BMPER: variants seen among roughly 807,000 people sequenced by gnomAD.
BMPER encodes the protein BMP binding endothelial regulator.
A neutral mutation model predicts 87.3 loss-of-function variants in BMPER; 45 were observed. The observed-to-expected ratio is 0.52, with a 90% CI of 0.41 to 0.66. The LOEUF (loss-of-function observed/expected upper bound fraction) is 0.66. Ranked by LOEUF, BMPER falls within the 30% of genes least tolerant of loss-of-function variation. The pLI, the probability that BMPER is intolerant of heterozygous loss-of-function variation, is 0.00. For missense variants in BMPER, 784 were observed against 867.5 expected (o/e 0.90, Z 1.21); for synonymous variants, 326 against 316.2 (o/e 1.03, Z -0.33).
chr7:34,090,421 A>G (rs988596940), intron 13 of BMPER, among the ~76,000 whole-genome samples: 3 of 151,928 alleles, frequency 2.0e-5, no homozygotes, highest in Non-Finnish European at 4.4e-5. Flanking sequence ...TTCTCCCTTC[A>G]TGTCCCAGAT....
chr7:33,992,058 A>AGGTGT (rs1168776998), intron 6 of BMPER, among the ~76,000 whole-genome samples: 1 of 151,894 alleles, frequency 6.6e-6, no homozygotes, highest in East Asian at 1.9e-4. Context: ...ATTTTGGAAT[A>AGGTGT]GGTGTGGTGT....
At chr7:34,103,939 A>G (rs183232352) in intron 13 of BMPER, among the ~76,000 whole-genome samples, 2 of 152,316 alleles carry the variant, frequency 1.3e-5, no homozygotes, top group African/African-American at 2.4e-5. Context: ...TATTGGATCA[A>G]GTTCACACTA....
chr7:33,905,522 G>T (rs554411079), upstream of BMPER: 1 of 1,334,328 alleles, frequency 7.5e-7, no homozygotes, highest in Non-Finnish European at 9.8e-7. Context: ...CCGACACGCC[G>T]GCTGAGAGCC....
At chr7:34,119,014 T>TCTCACACACACACACACACACACACACA (rs66493349) in intron 13 of BMPER, among the ~76,000 whole-genome samples, 5,419 of 135,156 alleles carry the variant, frequency 0.04, 229 homozygotes, top group Non-Finnish European at 0.059. Context: ...TCTCTCTCTC[T>TCTCACACACACACACACACACACACACA]CACACACACA....
At chr7:33,928,596 T>C (rs1261849600) in intron 2 of BMPER, among the ~76,000 whole-genome samples, 1 of 132,172 alleles carries the variant, frequency 7.6e-6, no homozygotes, top group Non-Finnish European at 1.5e-5. Context: ...CAGGACACTC[T>C]AATGGCCTGT....
chr7:34,024,384 A>ATATATATAT (rs1787293391), intron 6 of BMPER, among the ~76,000 whole-genome samples: 1 of 23,430 alleles, frequency 4.3e-5, no homozygotes, highest in African/African-American at 2.1e-4. Context: ...AAAAAAAAAC[A>ATATATATAT]ATATATATAT....
intron 6 of BMPER, among the ~76,000 whole-genome samples, chr7:33,987,721 CAG>C (rs1053360449): frequency 6.6e-6 from 1 of 151,946 alleles, no homozygotes; most frequent in Admixed American, 6.6e-5. Flanking sequence ...CTGTGATACA[CAG>C]AGTCAGACAA....
At chr7:33,969,893 T>A (rs1785495212) in intron 4 of BMPER, among the ~76,000 whole-genome samples, 2 of 152,192 alleles carry the variant, frequency 1.3e-5, no homozygotes, top group Non-Finnish European at 2.9e-5. Flanking sequence ...ATTTAGGATC[T>A]CCAGGTGCTA....
intron 13 of BMPER, among the ~76,000 whole-genome samples, chr7:34,120,037 A>G (rs1048076049): frequency 6.6e-6 from 1 of 152,212 alleles, no homozygotes; most frequent in Non-Finnish European, 1.5e-5. Flanking sequence ...AATAACATTG[A>G]CTTCACATTT....
At chr7:33,988,430 T>C (rs879899515) in intron 6 of BMPER, among the ~76,000 whole-genome samples, 1 of 152,124 alleles carries the variant, frequency 6.6e-6, no homozygotes, top group African/African-American at 2.4e-5. Flanking sequence ...ACAGAACATA[T>C]GCCCAGAAAA....
Position 34,015,529 on chromosome 7 carries a change from C to T in BMPER, c.577-30777C>T, listed in dbSNP as rs115453519. ...CATATACACATGGACACAAGCAACC[C>T]CACGGTTGCTGCCTGTGACAGAGCT... On this transcript the variant is annotated intron_variant, in intron 6 of 14. Coordinates refer to ENST00000649409, the MANE Select transcript of BMPER (RefSeq NM_001365308.1). Among the ~76,000 whole-genome samples the T allele has an allele frequency of 8.8e-3, 1,338 of 151,954 alleles. 20 individuals are homozygous for T. Among genetic ancestry groups the T allele is most frequent in the African/African-American group, 0.031 (1,267 of 41,484 alleles).
intron 6 of BMPER, among the ~76,000 whole-genome samples, chr7:34,041,769 G>T (rs1202628254): frequency 6.6e-6 from 1 of 151,918 alleles, no homozygotes; most frequent in Non-Finnish European, 1.5e-5. Context: ...CATCTCAGAA[G>T]CAACTCTAGA....
intron 11 of BMPER, among the ~76,000 whole-genome samples, chr7:34,068,946 A>G (rs182624134): frequency 1.3e-5 from 2 of 152,346 alleles, no homozygotes; most frequent in East Asian, 1.9e-4. Context: ...TATTCATTCT[A>G]CAGGCCTCCC....
intron 7 of BMPER, 108 bp from the exon 8 acceptor site, chr7:34,051,753 T>TA (rs1788150346): frequency 6.3e-6 from 6 of 953,740 alleles, no homozygotes; most frequent in African/African-American, 1.6e-5. Flanking sequence ...GCTCCAGACT[T>TA]ACGTGGTCTT....
At chr7:34,151,226 C>G (rs572229056) in intron 14 of BMPER, among the ~76,000 whole-genome samples, 1 of 152,312 alleles carries the variant, frequency 6.6e-6, no homozygotes, top group East Asian at 1.9e-4. Context: ...CCAATCCCCT[C>G]TCTGTTGTGG....
intron 3 of BMPER, among the ~76,000 whole-genome samples, chr7:33,943,765 A>G (rs1425019852): frequency 6.6e-6 from 1 of 152,078 alleles, no homozygotes; most frequent in African/African-American, 2.4e-5. Flanking sequence ...GCCTTCCCTC[A>G]TTTCCATTCC....
intron 13 of BMPER, among the ~76,000 whole-genome samples, chr7:34,114,155 C>T (rs1161233353): frequency 3.3e-5 from 5 of 152,288 alleles, no homozygotes; most frequent in African/African-American, 1.2e-4. Context: ...GCACCACAAG[C>T]ATCAACATCT....
chr7:34,129,579 AG>A (rs1464430373), intron 13 of BMPER, among the ~76,000 whole-genome samples: 4 of 26,216 alleles, frequency 1.5e-4, no homozygotes, highest in South Asian at 5.3e-3. Flanking sequence ...GGAAGGAAGG[AG>A]AGAGAGAGAG....
chr7:34,102,906 G>A (rs1052011035), intron 13 of BMPER, among the ~76,000 whole-genome samples: 10 of 152,244 alleles, frequency 6.6e-5, no homozygotes, highest in East Asian at 1.9e-4. Context: ...GGGCTGTTTC[G>A]CATGGTATGG....
Sources: gnomAD v4.1 joint callset for allele counts (sites outside exome capture counted in the v4.1 genomes callset) on GRCh38, gnomAD v4.1.1 for gene constraint, MANE v1.5 for transcripts, NCBI Gene and HGNC (gene_info 2026-07-23, HGNC 2026-07-21) for gene names.